Variants in NCBP3 observed in about 807,000 individuals in gnomAD.
NCBP3 encodes the protein nuclear cap binding subunit 3.
Under a neutral mutation model 75.7 loss-of-function variants are expected in NCBP3, and 20 were observed. The ratio of observed to expected loss-of-function variants is 0.26; its 90% CI spans 0.19 to 0.38. The LOEUF is 0.38. Among genes scored for constraint, NCBP3 ranks in the 10% least tolerant of loss-of-function variants. The pLI is 1.00. For synonymous variants in NCBP3, 293 were observed against 290.5 expected, an observed-to-expected ratio of 1.01 and a Z score of -0.09; for missense variants, 678 against 796.9, an observed-to-expected ratio of 0.85 and a Z score of 1.80.
At chr17:3,821,488 T>A (rs2053664551) in intron 8 of NCBP3, 136 bp from the exon 9 acceptor site, 3 of 655,068 alleles carry the variant, frequency 4.6e-6, no homozygotes, top group Non-Finnish European at 7.8e-6. Context: ...AATGGCACCA[T>A]CTCAGCTCAC....
Position 3,813,008 on chromosome 17 carries a change from C to G in NCBP3, c.*36G>C, listed in dbSNP as rs1375871721. 6.2e-7 allele frequency: 1 copy of G among 1,612,410 alleles called. No homozygotes were observed. Among genetic ancestry groups the G allele is most frequent in the Admixed American group, 1.7e-5 (1 of 59,872 alleles). On this transcript the variant is annotated 3_prime_UTR_variant, in exon 13 of 13. Transcript: ENST00000389005. ...CGCGCCCCACCCTGTGCAAGAATGT[C>G]AGGCTTTAGGGCAGCTGCCATAGGC...
intron 1 of NCBP3, among the ~76,000 whole-genome samples, chr17:3,844,273 T>C (rs1367264509): frequency 6.6e-6 from 1 of 152,186 alleles, no homozygotes; most frequent in African/African-American, 2.4e-5. Context: ...GGACACTGTA[T>C]AGTTTTCTTG....
At position 3,829,378 on chromosome 17, in the gene NCBP3, C is replaced by T; in HGVS notation, c.356-10G>A. On this transcript the variant is annotated splice_polypyrimidine_tract_variant and intron_variant, in intron 3 of 12. Coordinates refer to ENST00000389005, the MANE Select transcript of NCBP3 (RefSeq NM_001114118.3). Reference sequence around the variant, plus strand: ...CTCACCTTGGGGATTGCTAGAAAGACAAGACACAGAAAAGATGATAGAATT... The same window carrying T: ...CTCACCTTGGGGATTGCTAGAAAGATAAGACACAGAAAAGATGATAGAATT... The T allele has an allele frequency of 6.4e-7, 1 of 1,551,178 alleles. No homozygotes were observed. Among genetic ancestry groups the T allele is most frequent in the Non-Finnish European group, 8.7e-7 (1 of 1,146,462 alleles).
chr17:3,813,868 T>C (rs1467446722), intron 12 of NCBP3, among the ~76,000 whole-genome samples: 1 of 152,108 alleles, frequency 6.6e-6, no homozygotes, highest in Non-Finnish European at 1.5e-5. Flanking sequence ...TTCACCATGT[T>C]GGTTAGGCTG....
intron 4 of NCBP3, among the ~76,000 whole-genome samples, chr17:3,828,161 C>T (rs1266111850): frequency 6.6e-6 from 1 of 152,244 alleles, no homozygotes; most frequent in African/African-American, 2.4e-5. Context: ...TCAAGTGATC[C>T]TCCCGCCCTG....
chr17:3,834,501 C>T (rs561668677), intron 3 of NCBP3, among the ~76,000 whole-genome samples: 5 of 152,296 alleles, frequency 3.3e-5, no homozygotes, highest in Admixed American at 6.5e-5. Context: ...GCAGGCTAGG[C>T]GCGGTGGCTC....
intron 3 of NCBP3, among the ~76,000 whole-genome samples, chr17:3,836,970 G>A (rs1465887800): frequency 6.6e-6 from 1 of 151,286 alleles, no homozygotes; most frequent in Non-Finnish European, 1.5e-5. Flanking sequence ...TCAACATGGT[G>A]AAAACTCGTC....
chr17:3,804,965 CTTTT>C lies in NCBP3; in HGVS notation c.*8075_*8078del, dbSNP rs1220931835. On this transcript the variant is annotated 3_prime_UTR_variant, in exon 13 of 13. Coordinates refer to ENST00000389005, the MANE Select transcript of NCBP3 (RefSeq NM_001114118.3). ...GCCTTCAGCTCTTTTGGTGTGTAGA[CTTTT>C]TTTATTTTTGTTTTTGAGATGGAGT... 7 of 152,196 alleles carry C rather than the reference CTTTT, an allele frequency of 4.6e-5. No homozygotes were observed. The highest frequency in any genetic ancestry group is 3.3e-4 in the Admixed American group (5 of 15,266). 9.4% of individuals were successfully genotyped at this position (152,196 alleles called of 1,614,324 possible). A position where few individuals can be genotyped will look rare whatever the true frequency, so the allele number is the denominator to read the frequency against.
At chr17:3,842,030 G>A (rs2054073455) in intron 2 of NCBP3, among the ~76,000 whole-genome samples, 1 of 151,998 alleles carries the variant, frequency 6.6e-6, no homozygotes, top group South Asian at 2.1e-4. Context: ...TACATGTATT[G>A]ACTACATATA....
rs1020849194 is a variant in NCBP3, at chr17:3,838,315, G to A, written c.355+1785C>T. On this transcript the variant is annotated intron_variant, in intron 3 of 12. Transcript: ENST00000389005. ...GCAAGCCGCCTCAAGGAATGCTCTC[G>A]GGACCAGAGGTCGACAGGTGTGATA... 4.6e-5 allele frequency among the ~76,000 whole-genome samples: 7 copies of A among 152,348 alleles called. No homozygotes were observed. The South Asian group carries it at 1.0e-3, about 23-fold the overall frequency.
Position 3,821,415 on chromosome 17 carries a change from A to C in NCBP3, c.897-63T>G, listed in dbSNP as rs1056605227. On this transcript the variant is annotated intron_variant, in intron 8 of 12. Transcript: ENST00000389005. ...GATAGGAAGGACCTTGAAATCCACT[A>C]TTTCTTTCTCTTTTCTTTTTTTTTT... 97 of 1,289,750 alleles carry C rather than the reference A, an allele frequency of 7.5e-5. No homozygotes were observed. In the African/African-American group the frequency reaches 1.4e-3, roughly 18 times the overall value. The allele number at this position is 1,289,750 out of a possible 1,614,324, so 79.9% of individuals were successfully genotyped here. A position where few individuals can be genotyped will look rare whatever the true frequency, so the allele number is the denominator to read the frequency against.
At chr17:3,831,206 C>T (rs1257361754) in intron 3 of NCBP3, among the ~76,000 whole-genome samples, 29 of 151,106 alleles carry the variant, frequency 1.9e-4, no homozygotes, top group Admixed American at 1.5e-3. Context: ...CCACCACACC[C>T]GGCTTTTTTT....
intron 4 of NCBP3, among the ~76,000 whole-genome samples, chr17:3,827,478 C>A (rs895406376): frequency 1.3e-5 from 2 of 152,216 alleles, no homozygotes; most frequent in African/African-American, 4.8e-5. Context: ...AGCCAGTTGG[C>A]TTTGTAGCAA....
rs570740829 is a variant in NCBP3, at chr17:3,832,360, G to A, written c.356-2992C>T. Among the ~76,000 whole-genome samples the A allele has an allele frequency of 7.5e-5, 9 of 119,352 alleles. 3 individuals are homozygous for A. The East Asian group carries it at 1.4e-3, about 18-fold the overall frequency. The allele number at this position is 119,352 out of a possible 152,430, so 78.3% of individuals were successfully genotyped here. On this transcript the variant is annotated intron_variant, in intron 3 of 12. Coordinates refer to ENST00000389005, the MANE Select transcript of NCBP3 (RefSeq NM_001114118.3). Reference sequence around the variant, plus strand: ...GTAAAAAAGAATTTAATGGGCAGGCGCGGTGGCTCACGCCTGTAATCCCAG... The same window carrying A: ...GTAAAAAAGAATTTAATGGGCAGGCACGGTGGCTCACGCCTGTAATCCCAG...
rs1026145159 is a variant in NCBP3, at chr17:3,810,885, C to T, written c.*2159G>A. 6 of 152,356 alleles carry T rather than the reference C, an allele frequency of 3.9e-5. No homozygotes were observed. The highest frequency in any genetic ancestry group is 3.9e-4 in the Admixed American group (6 of 15,272). The allele number at this position is 152,356 out of a possible 1,614,324, so 9.4% of individuals were successfully genotyped here. On this transcript the variant is annotated 3_prime_UTR_variant, in exon 13 of 13. Transcript: ENST00000389005. ...CTGAAAGGCCGTGGAACAAATGGACCTGAGCTGCTGGTGTAAAACCAAAAG... is the reference window on the plus strand; with the variant it reads ...CTGAAAGGCCGTGGAACAAATGGACTTGAGCTGCTGGTGTAAAACCAAAAG...
intron 1 of NCBP3, among the ~76,000 whole-genome samples, chr17:3,844,754 G>GC (rs1459619136): frequency 6.6e-6 from 1 of 152,218 alleles, no homozygotes; most frequent in Admixed American, 6.5e-5. Context: ...GGAGGCTGAG[G>GC]CAGAAGAGTA....
At chr17:3,827,194 C>A (rs555291288) in intron 4 of NCBP3, among the ~76,000 whole-genome samples, 1 of 152,164 alleles carries the variant, frequency 6.6e-6, no homozygotes, top group Non-Finnish European at 1.5e-5. Flanking sequence ...AAACTGGGTT[C>A]CACAAAATAA....
chr17:3,826,306 T>C (rs2053782564), intron 4 of NCBP3, 91 bp from the exon 5 acceptor site: 1 of 1,205,888 alleles, frequency 8.3e-7, no homozygotes, highest in Non-Finnish European at 1.1e-6. Context: ...CACTACAGCC[T>C]CATCTAGCAA....
intron 7 of NCBP3, among the ~76,000 whole-genome samples, chr17:3,823,304 C>T (rs2053706221): frequency 1.3e-5 from 2 of 152,066 alleles, no homozygotes; most frequent in African/African-American, 4.8e-5. Flanking sequence ...AAGATCGCGC[C>T]ACTGCACTCC....
Sources: gnomAD v4.1 joint callset for allele counts (sites outside exome capture counted in the v4.1 genomes callset) on GRCh38, gnomAD v4.1.1 for gene constraint, MANE v1.5 for transcripts, NCBI Gene and HGNC (gene_info 2026-07-23, HGNC 2026-07-21) for gene names.